Variants in CACNA1C observed in about 807,000 individuals in gnomAD.
CACNA1C encodes voltage-dependent L-type calcium channel subunit alpha-1C.
A neutral mutation model predicts 229.0 loss-of-function variants in CACNA1C; 30 were observed. That is an observed-to-expected ratio of 0.13 (90% confidence interval 0.10 to 0.18). CACNA1C has a LOEUF of 0.18. Among genes scored for constraint, CACNA1C ranks in the 10% least tolerant of loss-of-function variants. The pLI is 1.00. For missense variants in CACNA1C, 1,658 were observed against 2,845.0 expected, an observed-to-expected ratio of 0.58 and a Z score of 9.49; for synonymous variants, 1,114 against 1,132.5, an observed-to-expected ratio of 0.98 and a Z score of 0.33.
chr12:2,585,298 C>A lies in CACNA1C; in HGVS notation c.2340-78C>A. The A allele has an allele frequency of 1.4e-6, 2 of 1,451,370 alleles. No individual in the cohort carries two copies. Among genetic ancestry groups the A allele is most frequent in the Non-Finnish European group, 1.9e-6 (2 of 1,077,604 alleles). 89.9% of individuals were successfully genotyped at this position (1,451,370 alleles called of 1,614,324 possible). A position where few individuals can be genotyped will look rare whatever the true frequency, so the allele number is the denominator to read the frequency against. Reference sequence around the variant, plus strand: ...TGTCCCCTCTGGCCCCAACAGGCCACAGGGCGGTTCCCTCCTACACTGTTC... The same window carrying A: ...TGTCCCCTCTGGCCCCAACAGGCCAAAGGGCGGTTCCCTCCTACACTGTTC... On this transcript the variant is annotated intron_variant, in intron 16 of 46. Coordinates refer to ENST00000399655, the MANE Select transcript of CACNA1C (RefSeq NM_000719.7). The surrounding 1 kb of genome is among the most constrained non-coding windows in gnomAD (Gnocchi z 4.1).
chr12:2,513,388 C>T (rs1429528049), intron 9 of CACNA1C, among the ~76,000 whole-genome samples: 2 of 152,242 alleles, frequency 1.3e-5, no homozygotes, highest in Admixed American at 6.5e-5. Context: ...TTTATACCTG[C>T]TCAGGATTCC....
At chr12:2,154,986 A>G (rs2095482965) in intron 3 of CACNA1C, among the ~76,000 whole-genome samples, 1 of 152,132 alleles carries the variant, frequency 6.6e-6, no homozygotes, top group Non-Finnish European at 1.5e-5. Flanking sequence ...GTCCTAGAGT[A>G]TAGGTGCCGT....
intron 1 of CACNA1C, chr12:1,991,624 C>T (rs1028886569): frequency 5.2e-6 from 1 of 191,842 alleles, no homozygotes; most frequent in African/African-American, 2.4e-5. Flanking sequence ...ACTAGCCACA[C>T]TTCAGGTACT....
At chr12:2,064,658 G>A (rs938242860) in intron 1 of CACNA1C, among the ~76,000 whole-genome samples, 1 of 152,198 alleles carries the variant, frequency 6.6e-6, no homozygotes, top group Non-Finnish European at 1.5e-5. Context: ...GGAGGAAGGG[G>A]AGAGGGAAGC....
chr12:2,507,813 C>CGATGTG (rs1427686272), intron 8 of CACNA1C, among the ~76,000 whole-genome samples: 1 of 152,212 alleles, frequency 6.6e-6, no homozygotes, highest in Non-Finnish European at 1.5e-5. Flanking sequence ...TGAGCCCAAG[C>CGATGTG]GATGTGAATC....
At chr12:2,612,102 G>A in intron 29 of CACNA1C, 89 bp downstream of exon 29, 1 of 793,912 alleles carries the variant, frequency 1.3e-6, no homozygotes, top group African/African-American at 1.7e-5. Context: ...GCAGAATGAG[G>A]GGAAGAGGGA....
chr12:2,220,289 G>A (rs1312460724), intron 3 of CACNA1C, among the ~76,000 whole-genome samples: 1 of 152,184 alleles, frequency 6.6e-6, no homozygotes, highest in Non-Finnish European at 1.5e-5. Flanking sequence ...GTAAGAGTGG[G>A]AATGATGATA....
At chr12:2,516,267 G>A (rs11614380) in intron 9 of CACNA1C, among the ~76,000 whole-genome samples, 6,384 of 152,278 alleles carry the variant, frequency 0.042, 144 homozygotes, top group Middle Eastern at 0.11. Context: ...GGAGGCTTGT[G>A]CAGCTGGAGA....
chr12:2,004,974 A>AG (rs1314211799), intron 1 of CACNA1C, among the ~76,000 whole-genome samples: 1 of 40,926 alleles, frequency 2.4e-5, no homozygotes, highest in Non-Finnish European at 4.8e-5. Flanking sequence ...AAAAAAAAAC[A>AG]AAACCTTTTA....
At chr12:2,456,527 C>G (rs896263999) in intron 4 of CACNA1C, among the ~76,000 whole-genome samples, 1 of 152,210 alleles carries the variant, frequency 6.6e-6, no homozygotes, top group Admixed American at 6.5e-5. Context: ...CTGCCCTGCT[C>G]CAGCCACACT....
chr12:2,371,753 G>A (rs374090581), intron 3 of CACNA1C, among the ~76,000 whole-genome samples: 7 of 136,094 alleles, frequency 5.1e-5, no homozygotes, highest in East Asian at 4.2e-4. Flanking sequence ...TTTTAATCTC[G>A]GACTCTTGGA....
chr12:2,265,782 C>T (rs2082173678), intron 3 of CACNA1C, among the ~76,000 whole-genome samples: 2 of 152,332 alleles, frequency 1.3e-5, no homozygotes, highest in African/African-American at 4.8e-5. Context: ...TGCTCCCGCC[C>T]CCTTTGGGCC....
chr12:2,447,515 A>G (rs999142211), intron 3 of CACNA1C, among the ~76,000 whole-genome samples: 1 of 152,182 alleles, frequency 6.6e-6, no homozygotes, highest in Admixed American at 6.5e-5. Flanking sequence ...GATCTGTTTC[A>G]GTAGGTCTGG....
Position 2,135,905 on chromosome 12 carries a change from C to A in CACNA1C, c.477+15475C>A, listed in dbSNP as rs1163729388. ...GCAATGGCGGGCGCCCCTCCCCCAG[C>A]CTCGCTGCCGCCTTGCAGTTTGATC... On this transcript the variant is annotated intron_variant, in intron 3 of 46. Coordinates refer to ENST00000399655, the MANE Select transcript of CACNA1C (RefSeq NM_000719.7). Among the ~76,000 whole-genome samples the A allele has an allele frequency of 8.9e-4, 133 of 149,076 alleles. 4 individuals are homozygous for A. In the East Asian group the frequency reaches 0.021, roughly 23 times the overall value.
chr12:2,412,928 A>C (rs961054046), intron 3 of CACNA1C, among the ~76,000 whole-genome samples: 2 of 152,264 alleles, frequency 1.3e-5, no homozygotes, highest in Non-Finnish European at 2.9e-5. Context: ...CAAGCCTAAC[A>C]ATTCAAAATG....
intron 3 of CACNA1C, among the ~76,000 whole-genome samples, chr12:2,148,797 C>T (rs1044555165): frequency 1.4e-5 from 2 of 141,434 alleles, no homozygotes; most frequent in Non-Finnish European, 3.3e-5. Flanking sequence ...CCTCCTGCCT[C>T]GACCTCCAAA....
chr12:2,411,415 C>T (rs913720092), intron 3 of CACNA1C, among the ~76,000 whole-genome samples: 1 of 152,082 alleles, frequency 6.6e-6, no homozygotes. Flanking sequence ...TGGAATGTTA[C>T]GGTTCTATTT....
At chr12:2,401,368 A>C (rs142912466) in intron 3 of CACNA1C, among the ~76,000 whole-genome samples, 41 of 152,320 alleles carry the variant, frequency 2.7e-4, no homozygotes, top group African/African-American at 9.4e-4. Context: ...TAAAGAAAAA[A>C]ATTATTATGC....
At position 2,251,666 on chromosome 12, in the gene CACNA1C, T is replaced by C. The variant is rs554876682; in HGVS notation, c.477+131236T>C. Among the ~76,000 whole-genome samples, 29 of 152,326 alleles carry C rather than the reference T, an allele frequency of 1.9e-4. No homozygotes were observed. In the East Asian group the frequency reaches 5.6e-3, roughly 29 times the overall value. ...CTAATGGTTAGAGAAATAAATTGCTTTATAACCAAAATACCCTTTTGGTTA... is the reference window on the plus strand; with the variant it reads ...CTAATGGTTAGAGAAATAAATTGCTCTATAACCAAAATACCCTTTTGGTTA... On this transcript the variant is annotated intron_variant, in intron 3 of 46. Coordinates refer to ENST00000399655, the MANE Select transcript of CACNA1C (RefSeq NM_000719.7).
Sources: gnomAD v4.1 joint callset for allele counts (sites outside exome capture counted in the v4.1 genomes callset) on GRCh38, gnomAD v4.1.1 for gene constraint, Gnocchi (gnomAD v3.1) non-coding constraint, MANE v1.5 for transcripts, NCBI Gene and HGNC (gene_info 2026-07-23, HGNC 2026-07-21) for gene names.